The following KCNC3 variants were observed in gnomAD, a reference collection of about 807,000 sequenced individuals.
KCNC3 encodes potassium voltage-gated channel subfamily C member 3.
Under a neutral mutation model 43.9 loss-of-function variants are expected in KCNC3, and 22 were observed. The ratio of observed to expected loss-of-function variants is 0.50; its 90% CI spans 0.36 to 0.72. KCNC3 has a LOEUF of 0.72. KCNC3 is among the 30% of genes least tolerant of loss of function. KCNC3 has a pLI of 0.00. For missense variants in KCNC3, 829 were observed against 1,073.8 expected (o/e 0.77, Z 3.19); for synonymous variants, 492 against 488.0 (o/e 1.01, Z -0.11).
chr19:50,320,932 G>T, intron 2 of KCNC3, 148 bp from the exon 3 acceptor site: 1 of 762,816 alleles, frequency 1.3e-6, no homozygotes. Context: ...GCAGGGTGAT[G>T]GGAAGGAGTG....
intron 3 of KCNC3, 81 bp from the exon 4 acceptor site, chr19:50,320,430 C>G: frequency 1.6e-6 from 1 of 623,554 alleles, no homozygotes; most frequent in South Asian, 1.9e-5. Flanking sequence ...GGTGAGGAAA[C>G]TTGGGGCGGG....
chr19:50,319,615 C>T (rs2037001218), intron 4 of KCNC3, among the ~76,000 whole-genome samples: 2 of 152,138 alleles, frequency 1.3e-5, no homozygotes, highest in Non-Finnish European at 2.9e-5. Flanking sequence ...GATGCCCGGC[C>T]CCATCCCCTG....
upstream of KCNC3, among the ~76,000 whole-genome samples, chr19:50,332,855 T>C (rs2037202807): frequency 6.6e-6 from 1 of 151,328 alleles, no homozygotes; most frequent in African/African-American, 2.4e-5. The surrounding 1 kb of genome is among the most constrained non-coding windows in gnomAD (Gnocchi z 5.8). Context: ...TAACCCTCCC[T>C]CCCCCATTAC....
upstream of KCNC3, among the ~76,000 whole-genome samples, chr19:50,331,584 C>T (rs1345208292): frequency 8.1e-6 from 1 of 123,280 alleles, no homozygotes; most frequent in Admixed American, 8.5e-5. Context: ...CCTTCTTCCC[C>T]TTCTCCCCAT....
chr19:50,331,711 C>G (rs921712785), upstream of KCNC3, among the ~76,000 whole-genome samples: 9 of 151,404 alleles, frequency 5.9e-5, no homozygotes, highest in African/African-American at 1.9e-4. Context: ...CTCTGTTCTT[C>G]TCTCTCTCCC....
intron 1 of KCNC3, among the ~76,000 whole-genome samples, chr19:50,325,637 C>G (rs2037093976): frequency 6.6e-6 from 1 of 152,192 alleles, no homozygotes; most frequent in African/African-American, 2.4e-5. Context: ...AGGCCAGAGG[C>G]CTTCGCAGAG....
In KCNC3 at chr19:50,320,296, T is replaced by A. The variant is rs781742486; in HGVS notation, c.2224A>T (p.Ser742Cys). The change falls in exon 4 of 5, where the codon AGC becomes TGC. Residue 742 changes from serine (S) to cysteine (C), a missense_variant. Transcript: ENST00000477616. ...TTGGCGTTGAGGTCGGGCAAGAAGC[T>A]TGGGGGGCCTGGCTTACGCCAGTCT... is the stretch of plus-strand genomic sequence containing the variant. ...PQDWRKPGPP[S>C]FLPDLNANAA... The A allele has an allele frequency of 2.0e-5, 17 of 839,356 alleles. No individual in the cohort carries two copies. The South Asian group carries it at 3.9e-4, about 19-fold the overall frequency. The allele number at this position is 839,356 out of a possible 1,614,324, so 52.0% of individuals were successfully genotyped here. A position where few individuals can be genotyped will look rare whatever the true frequency, so the allele number is the denominator to read the frequency against.
rs2036919633 is a variant in KCNC3 at position 50,314,480 on chromosome 19, T to TG, written c.*1634dup. The TG allele has an allele frequency of 5.4e-6, 1 of 184,084 alleles. No homozygotes were observed. The highest frequency in any genetic ancestry group is 8.4e-5 in the South Asian group (1 of 11,928). 11.4% of individuals were successfully genotyped at this position (184,084 alleles called of 1,614,324 possible). Reference sequence around the variant, plus strand: ...TGGCGGCTTATTGCTGAGGTGGACTTGGAGTGGGGGCTCCAGGTTAGGGAA... The same window carrying TG: ...TGGCGGCTTATTGCTGAGGTGGACTTGGGAGTGGGGGCTCCAGGTTAGGGAA... On this transcript the variant is annotated 3_prime_UTR_variant, in exon 5 of 5. Coordinates refer to ENST00000477616, the MANE Select transcript of KCNC3 (RefSeq NM_004977.3).
intron 4 of KCNC3, among the ~76,000 whole-genome samples, chr19:50,319,759 C>T (rs1256365326): frequency 6.6e-6 from 1 of 152,072 alleles, no homozygotes; most frequent in African/African-American, 2.4e-5. Flanking sequence ...TTTTTGTTCA[C>T]GGTTGAACTC....
At position 50,328,909 on chromosome 19, in the gene KCNC3, G is replaced by A; in HGVS notation, c.174C>T (p.Pro58=). ...CGGCGCGCCGGTCCCCGGGCCCGCG[G>A]GGTGCCGGGGGGCCCGCCGGGGACG... The part of the protein sequence containing the change: ...PAASPAGPPA[P]RGPGDRRAEP... The change falls in exon 1 of 5, where the codon CCC becomes CCT. Residue 58 remains proline (P), a synonymous_variant. Coordinates refer to ENST00000477616, the MANE Select transcript of KCNC3 (RefSeq NM_004977.3). The A allele has an allele frequency of 2.2e-6, 2 of 907,906 alleles. No individual in the cohort carries two copies. The highest frequency in any genetic ancestry group is 2.6e-6 in the Non-Finnish European group (2 of 760,758). The allele number at this position is 907,906 out of a possible 1,614,324, so 56.2% of individuals were successfully genotyped here.
At chr19:50,318,990 T>G (rs1255123695) in intron 4 of KCNC3, among the ~76,000 whole-genome samples, 1 of 21,070 alleles carries the variant, frequency 4.7e-5, no homozygotes, top group African/African-American at 1.2e-4. Flanking sequence ...CAAGACAGTC[T>G]CAAAAAAAAA....
At chr19:50,321,275 C>T (rs1601096250) in intron 2 of KCNC3, among the ~76,000 whole-genome samples, 1 of 151,914 alleles carries the variant, frequency 6.6e-6, no homozygotes, top group East Asian at 1.9e-4. Context: ...TGAGACCAGC[C>T]CTGGCAACAT....
upstream of KCNC3, among the ~76,000 whole-genome samples, chr19:50,332,557 T>C (rs374091372): frequency 6.6e-6 from 1 of 152,142 alleles, no homozygotes; most frequent in South Asian, 2.1e-4. This position sits in a 1 kb window ranked among gnomAD's most constrained non-coding sequence, Gnocchi z 5.8. Flanking sequence ...CCAGGGTCTA[T>C]GGGAGGATTT....
chr19:50,319,174 C>T (rs2036995316), intron 4 of KCNC3, among the ~76,000 whole-genome samples: 1 of 152,032 alleles, frequency 6.6e-6, no homozygotes, highest in South Asian at 2.1e-4. Flanking sequence ...TACTAAATAG[C>T]ACCACTGTCT....
chr19:50,328,864 C>T lies in KCNC3; in HGVS notation c.219G>A (p.Pro73=), dbSNP rs2037141462. ...DRRAEPCPGL[P]AAAMGRHGGG... is the part of the protein sequence containing the mutation. ...CGCCGTGCCGCCCCATGGCCGCCGC[C>T]GGCAGCCCGGGGCATGGCTCGGCGC... Residue 73 remains proline, a synonymous_variant, in exon 1 of 5, where the codon CCG becomes CCA. Coordinates refer to ENST00000477616, the MANE Select transcript of KCNC3 (RefSeq NM_004977.3). The T allele has an allele frequency of 5.1e-6, 7 of 1,380,638 alleles. No homozygotes were observed. In the East Asian group the frequency reaches 1.6e-4, roughly 32 times the overall value. 85.5% of individuals were successfully genotyped at this position (1,380,638 alleles called of 1,614,324 possible). A position where few individuals can be genotyped will look rare whatever the true frequency, so the allele number is the denominator to read the frequency against.
rs980216646 is a variant in KCNC3, at chr19:50,329,260, G to A, written c.-178C>T. On this transcript the variant is annotated 5_prime_UTR_variant, in exon 1 of 5. Transcript: ENST00000477616. Reference sequence around the variant, plus strand: ...GCTGTGGCTGGGAGGAGTGGGGCGGGCACTCTAACGCGACCCAGCTGGACG... The same window carrying A: ...GCTGTGGCTGGGAGGAGTGGGGCGGACACTCTAACGCGACCCAGCTGGACG... 2.4e-4 allele frequency: 54 copies of A among 223,580 alleles called. No individual in the cohort carries two copies. Among genetic ancestry groups the A allele is most frequent in the Non-Finnish European group, 1.6e-4 (18 of 115,710 alleles). The allele number at this position is 223,580 out of a possible 1,614,324, so 13.8% of individuals were successfully genotyped here.
At chr19:50,332,392 T>C (rs1241989305), upstream of KCNC3, among the ~76,000 whole-genome samples, 1 of 151,868 alleles carries the variant, frequency 6.6e-6, no homozygotes, top group East Asian at 1.9e-4. The surrounding 1 kb of genome is among the most constrained non-coding windows in gnomAD (Gnocchi z 5.8). Context: ...GAAAAGGGGC[T>C]GGAATAAGGA....
Position 50,320,272 on chromosome 19 carries a change from T to A in KCNC3, c.2248A>T (p.Asn750Tyr). The change falls in exon 4 of 5, where the codon AAC (asparagine) becomes TAC (tyrosine). Residue 750 changes from asparagine to tyrosine, a missense_variant. Around this residue, in one of 7 missense-constraint regions of KCNC3, gnomAD observed 308 missense variants for 276.2 expected, o/e 1.11. Transcript: ENST00000477616. ...PPSFLPDLNA[N>Y]AAAWISP is the part of the protein sequence containing the mutation. ...TAGGGGGATATCCAGGCCGCGGCGT[T>A]GGCGTTGAGGTCGGGCAAGAAGCTT... The A allele has an allele frequency of 1.1e-6, 1 of 915,386 alleles. No individual in the cohort carries two copies. Among genetic ancestry groups the A allele is most frequent in the Non-Finnish European group, 1.4e-6 (1 of 695,814 alleles). 56.7% of individuals were successfully genotyped at this position (915,386 alleles called of 1,614,324 possible). A position where few individuals can be genotyped will look rare whatever the true frequency, so the allele number is the denominator to read the frequency against.
intron 2 of KCNC3, among the ~76,000 whole-genome samples, chr19:50,322,720 G>C (rs1018056493): frequency 6.6e-6 from 1 of 152,110 alleles, no homozygotes; most frequent in African/African-American, 2.4e-5. Context: ...CTGCACAGCT[G>C]ATGACACTGC....
Sources: gnomAD v4.1 joint callset for allele counts (sites outside exome capture counted in the v4.1 genomes callset) on GRCh38, gnomAD v4.1.1 for gene constraint, gnomAD v4.1.1 regional missense constraint, Gnocchi (gnomAD v3.1) non-coding constraint, MANE v1.5 for transcripts, NCBI Gene and HGNC (gene_info 2026-07-23, HGNC 2026-07-21) for gene names.